FMNL2: variants seen among roughly 807,000 people sequenced by gnomAD.
FMNL2 encodes formin like 2, also known as formin-like protein 2.
In FMNL2, 51 loss-of-function variants were observed where a neutral mutation model predicts 130.2. The ratio of observed to expected loss-of-function variants is 0.39; its 90% CI spans 0.31 to 0.49. FMNL2 has a LOEUF of 0.49. FMNL2 is among the 20% of genes least tolerant of loss of function. FMNL2 has a pLI of 0.85. For missense variants in FMNL2, 977 were observed against 1,316.2 expected, an observed-to-expected ratio of 0.74 and a Z score of 3.99; for synonymous variants, 465 against 467.1, an observed-to-expected ratio of 1.00 and a Z score of 0.06.
intron 2 of FMNL2, among the ~76,000 whole-genome samples, chr2:152,530,316 A>G (rs987189820): frequency 2.0e-5 from 3 of 152,296 alleles, no homozygotes; most frequent in Admixed American, 1.3e-4. Context: ...TATTTAACTC[A>G]TACTCTTTGT....
At chr2:152,598,128 C>T (rs931256547) in intron 9 of FMNL2, among the ~76,000 whole-genome samples, 3 of 152,168 alleles carry the variant, frequency 2.0e-5, no homozygotes, top group East Asian at 1.9e-4. Flanking sequence ...GCCCCAAGAT[C>T]TGAAATTGCT....
At chr2:152,353,583 T>G (rs944886510) in intron 1 of FMNL2, among the ~76,000 whole-genome samples, 3 of 152,192 alleles carry the variant, frequency 2.0e-5, no homozygotes, top group Non-Finnish European at 4.4e-5. Flanking sequence ...AACCTGAGTT[T>G]GAATCAGGAT....
intron 14 of FMNL2, 110 bp from the exon 15 acceptor site, chr2:152,619,399 T>A: frequency 6.7e-7 from 1 of 1,495,054 alleles, no homozygotes. Context: ...AAAACAGTCC[T>A]TTGTCCTTTT....
chr2:152,631,436 C>G (rs1467378387), intron 20 of FMNL2, among the ~76,000 whole-genome samples: 1 of 147,870 alleles, frequency 6.8e-6, no homozygotes, highest in East Asian at 2.0e-4. Context: ...AAATAAAACA[C>G]GTTACTTGAA....
chr2:152,556,133 C>T (rs1695190522), intron 4 of FMNL2, among the ~76,000 whole-genome samples: 1 of 152,162 alleles, frequency 6.6e-6, no homozygotes, highest in East Asian at 1.9e-4. Context: ...GGGGTAGGGA[C>T]TGAGATAATA....
At chr2:152,352,430 C>G (rs139026059) in intron 1 of FMNL2, among the ~76,000 whole-genome samples, 1 of 152,148 alleles carries the variant, frequency 6.6e-6, no homozygotes, top group Admixed American at 6.5e-5. Context: ...TCAAATTTCT[C>G]GACTCAAAAG....
At chr2:152,618,793 C>G (rs1188370462) in intron 13 of FMNL2, 53 bp from the exon 14 acceptor site, 1 of 1,457,668 alleles carries the variant, frequency 6.9e-7, no homozygotes, top group Non-Finnish European at 9.2e-7. Context: ...TCTGATGCTA[C>G]TAAGTATGAA....
chr2:152,520,772 AAGTCAG>A (rs1693046532), intron 1 of FMNL2, among the ~76,000 whole-genome samples: 1 of 152,152 alleles, frequency 6.6e-6, no homozygotes, highest in African/African-American at 2.4e-5. Context: ...TTCTATCATT[AAGTCAG>A]GACAGCATAC....
chr2:152,620,149 A>G (rs1048624127), intron 15 of FMNL2, among the ~76,000 whole-genome samples: 6 of 151,938 alleles, frequency 3.9e-5, no homozygotes, highest in Non-Finnish European at 7.4e-5. Context: ...GATGTCATCT[A>G]TAAAAGGGAA....
At chr2:152,367,198 C>G (rs1683609831) in intron 1 of FMNL2, among the ~76,000 whole-genome samples, 2 of 151,628 alleles carry the variant, frequency 1.3e-5, no homozygotes, top group African/African-American at 4.8e-5. Context: ...ACCTTAGCCT[C>G]TCGAGTAGCT....
intron 1 of FMNL2, among the ~76,000 whole-genome samples, chr2:152,376,440 A>G (rs1004107356): frequency 2.0e-5 from 3 of 152,180 alleles, no homozygotes; most frequent in Non-Finnish European, 4.4e-5. Flanking sequence ...CTCTTGGAGG[A>G]GAGGAGGATT....
At chr2:152,635,177 A>G (rs1275165037) in intron 21 of FMNL2, among the ~76,000 whole-genome samples, 2 of 152,184 alleles carry the variant, frequency 1.3e-5, no homozygotes, top group East Asian at 1.9e-4. Flanking sequence ...ATTTGCTTTA[A>G]AAGACTGTAG....
chr2:152,343,728 C>T (rs1352515306), intron 1 of FMNL2, among the ~76,000 whole-genome samples: 2 of 152,142 alleles, frequency 1.3e-5, no homozygotes, highest in African/African-American at 4.8e-5. Context: ...ACCTGACTTC[C>T]CTTCCTTGTT....
intron 9 of FMNL2, among the ~76,000 whole-genome samples, chr2:152,583,022 C>T (rs1696878678): frequency 6.6e-6 from 1 of 152,092 alleles, no homozygotes; most frequent in Non-Finnish European, 1.5e-5. Context: ...GCATAGTAGG[C>T]CCACAGATAC....
At chr2:152,351,223 A>C (rs1413908071) in intron 1 of FMNL2, among the ~76,000 whole-genome samples, 4 of 152,190 alleles carry the variant, frequency 2.6e-5, no homozygotes, top group Non-Finnish European at 5.9e-5. Flanking sequence ...AAGTTCTGAG[A>C]TACATGTGCA....
At chr2:152,529,348 G>A (rs1212325254) in intron 2 of FMNL2, among the ~76,000 whole-genome samples, 6 of 152,088 alleles carry the variant, frequency 3.9e-5, no homozygotes, top group African/African-American at 1.4e-4. Context: ...GCTGTGGGAC[G>A]AGGTTATTTT....
chr2:152,574,919 G>T (rs1696392440), intron 6 of FMNL2, among the ~76,000 whole-genome samples: 2 of 152,122 alleles, frequency 1.3e-5, no homozygotes, highest in African/African-American at 4.8e-5. Context: ...TCCAAAAAGT[G>T]TGTTAACAAG....
chr2:152,463,611 G>A (rs1423852195), intron 1 of FMNL2, among the ~76,000 whole-genome samples: 2 of 152,050 alleles, frequency 1.3e-5, no homozygotes, highest in Non-Finnish European at 2.9e-5. Context: ...AATAGATGGT[G>A]GATATTTCCT....
At position 152,335,224 on chromosome 2, in the gene FMNL2, G is replaced by C. The variant is rs1413961553; in HGVS notation, c.-380G>C. 2 of 156,088 alleles carry C rather than the reference G, an allele frequency of 1.3e-5. No homozygotes were observed. Among genetic ancestry groups the C allele is most frequent in the Non-Finnish European group, 2.8e-5 (2 of 71,096 alleles). The allele number at this position is 156,088 out of a possible 1,614,324, so 9.7% of individuals were successfully genotyped here. ...GGCGCAGCCGTGGCCGGCTAGGGCT[G>C]GAAGTGTCAGCGGCGGCCGCGGGCC... is the stretch of plus-strand genomic sequence containing the variant. On this transcript the variant is annotated 5_prime_UTR_variant, in exon 1 of 26. Coordinates refer to ENST00000288670, the MANE Select transcript of FMNL2 (RefSeq NM_052905.4).
Sources: gnomAD v4.1 joint callset for allele counts (sites outside exome capture counted in the v4.1 genomes callset) on GRCh38, gnomAD v4.1.1 for gene constraint, MANE v1.5 for transcripts, NCBI Gene and HGNC (gene_info 2026-07-23, HGNC 2026-07-21) for gene names.